NDST3: variants seen among roughly 807,000 people sequenced by gnomAD.
NDST3 encodes the protein N-deacetylase and N-sulfotransferase 3.
A neutral mutation model predicts 96.1 loss-of-function variants in NDST3; 58 were observed. The observed-to-expected ratio is 0.60, with a 90% CI of 0.49 to 0.75. The LOEUF (loss-of-function observed/expected upper bound fraction) is 0.75, where lower values mean the gene tolerates loss of function less well. NDST3 is among the 30% of genes least tolerant of loss of function. The pLI is 0.00. For missense variants in NDST3, 788 were observed against 1,034.2 expected, an observed-to-expected ratio of 0.76 and a Z score of 3.27; for synonymous variants, 333 against 359.7, an observed-to-expected ratio of 0.93 and a Z score of 0.84.
Position 118,054,841 on chromosome 4 carries a change from G to A in NDST3, c.931G>A (p.Asp311Asn). ...LDRYILVDID[D>N]IFVGKEGTRM... Reference sequence around the variant, plus strand: ...CAGGTACATTCTTGTGGATATTGATGATATATTTGTGGGAAAAGAGGGAAC... The same window carrying A: ...CAGGTACATTCTTGTGGATATTGATAATATATTTGTGGGAAAAGAGGGAAC... The change falls in exon 2 of 14, where the codon GAT (aspartate) becomes AAT (asparagine). Residue 311 changes from aspartate to asparagine, a missense_variant. This residue lies in a region of NDST3 where 490 missense variants were observed against 708.8 expected (regional missense o/e 0.69). Transcript: ENST00000296499. 6.2e-7 allele frequency: 1 copy of A among 1,612,702 alleles called. No individual in the cohort carries two copies. Among genetic ancestry groups the A allele is most frequent in the African/African-American group, 1.3e-5 (1 of 74,966 alleles).
rs1205902806 is a variant in NDST3, at chr4:118,054,111, A to G, written c.201A>G (p.Ala67=). 2 of 1,612,900 alleles carry G rather than the reference A, an allele frequency of 1.2e-6. No homozygotes were observed. Among genetic ancestry groups the G allele is most frequent in the Non-Finnish European group, 1.7e-6 (2 of 1,179,330 alleles). The part of the protein sequence containing the change: ...HLPYQLMEVK[A]MKLFDASRTD... ...CATATCAACTAATGGAAGTGAAAGC[A>G]ATGAAGCTTTTTGATGCCTCAAGGA... The change falls in exon 2 of 14, where the codon GCA becomes GCG. Residue 67 remains alanine, a synonymous_variant. Coordinates refer to ENST00000296499, the MANE Select transcript of NDST3 (RefSeq NM_004784.3).
chr4:118,058,234 G>C (rs1185107323), intron 2 of NDST3, among the ~76,000 whole-genome samples: 1 of 151,836 alleles, frequency 6.6e-6, no homozygotes, highest in Non-Finnish European at 1.5e-5. Context: ...ACTAATCACT[G>C]CATGGATGTT....
At chr4:118,055,903 T>C (rs984456534) in intron 2 of NDST3, among the ~76,000 whole-genome samples, 9 of 151,894 alleles carry the variant, frequency 5.9e-5, no homozygotes, top group Admixed American at 2.0e-4. Context: ...GGGCTAAGAA[T>C]ACCAGAAGGA....
chr4:118,139,704 C>G (rs1419383122), intron 5 of NDST3, among the ~76,000 whole-genome samples: 2 of 152,150 alleles, frequency 1.3e-5, no homozygotes, highest in Non-Finnish European at 2.9e-5. Flanking sequence ...GTCTCATTAT[C>G]TTCCCTTCGA....
chr4:118,165,416 CA>C (rs147640943), intron 6 of NDST3, among the ~76,000 whole-genome samples: 5,388 of 151,994 alleles, frequency 0.035, 141 homozygotes, highest in African/African-American at 0.072. Flanking sequence ...TCAAAGCACC[CA>C]AATATGTGTA....
At chr4:118,093,470 A>G (rs549786684) in intron 2 of NDST3, among the ~76,000 whole-genome samples, 2 of 152,020 alleles carry the variant, frequency 1.3e-5, no homozygotes, top group African/African-American at 4.8e-5. Flanking sequence ...ATTATTGAAC[A>G]TCAGTGATGG....
At chr4:118,153,602 C>T (rs1734543011) in intron 6 of NDST3, among the ~76,000 whole-genome samples, 1 of 152,080 alleles carries the variant, frequency 6.6e-6, no homozygotes, top group African/African-American at 2.4e-5. Context: ...GCGGGTGGAT[C>T]ACCTGAGTTC....
chr4:118,039,571 A>T (rs1250581370), intron 1 of NDST3, among the ~76,000 whole-genome samples: 5 of 152,240 alleles, frequency 3.3e-5, no homozygotes, highest in South Asian at 2.1e-4. Flanking sequence ...ATAACTAATT[A>T]TAACTTTGGA....
chr4:118,239,203 A>G (rs911891793), intron 10 of NDST3, among the ~76,000 whole-genome samples: 5 of 152,224 alleles, frequency 3.3e-5, no homozygotes, highest in Non-Finnish European at 2.9e-5. Context: ...CTTGACAATC[A>G]TAATATTAGA....
At chr4:118,163,091 T>C (rs1735291033) in intron 6 of NDST3, among the ~76,000 whole-genome samples, 1 of 152,126 alleles carries the variant, frequency 6.6e-6, no homozygotes, top group South Asian at 2.1e-4. Flanking sequence ...CATTCAAAAG[T>C]CAGGAAACAA....
intron 6 of NDST3, among the ~76,000 whole-genome samples, chr4:118,156,450 T>C (rs1306948876): frequency 6.6e-6 from 1 of 152,238 alleles, no homozygotes; most frequent in Non-Finnish European, 1.5e-5. Context: ...CATCATGCCT[T>C]ATTCTATTTT....
chr4:118,172,568 A>C (rs569771763), intron 6 of NDST3, among the ~76,000 whole-genome samples: 1 of 152,302 alleles, frequency 6.6e-6, no homozygotes, highest in South Asian at 2.1e-4. Context: ...CAAAGTTTTA[A>C]AACAAAATGT....
Position 118,054,053 on chromosome 4 carries a change from C to T in NDST3, c.143C>T (p.Ser48Leu). The change falls in exon 2 of 14, where the codon TCA becomes TTA. Residue 48 changes from serine (S) to leucine (L), a missense_variant. Coordinates refer to ENST00000296499, the MANE Select transcript of NDST3 (RefSeq NM_004784.3). ...GAAAATGAACTCTCTGAGACGGCTT[C>T]AGAAGTTGACTGTGGCGACCTCCAA... is the stretch of plus-strand genomic sequence containing the variant. ...KQENELSETA[S>L]EVDCGDLQHL... 6.2e-7 allele frequency: 1 copy of T among 1,612,968 alleles called. No individual in the cohort carries two copies. Among genetic ancestry groups the T allele is most frequent in the Admixed American group, 1.7e-5 (1 of 59,904 alleles).
chr4:118,207,807 T>G (rs1738527293), intron 6 of NDST3, among the ~76,000 whole-genome samples: 1 of 144,690 alleles, frequency 6.9e-6, no homozygotes, highest in Non-Finnish European at 1.5e-5. Context: ...TGCCTGATTC[T>G]GATAATAATA....
chr4:118,141,490 A>G (rs1733568757), intron 5 of NDST3, among the ~76,000 whole-genome samples: 1 of 152,182 alleles, frequency 6.6e-6, no homozygotes, highest in African/African-American at 2.4e-5. Context: ...CTGCAGTTGC[A>G]GGGTAAAGCC....
chr4:118,119,423 A>G (rs192928669), intron 4 of NDST3, among the ~76,000 whole-genome samples: 1 of 152,348 alleles, frequency 6.6e-6, no homozygotes, highest in East Asian at 1.9e-4. Context: ...ATAAAAAGGC[A>G]TATGAGATTT....
At chr4:118,200,089 C>T (rs939715677) in intron 6 of NDST3, among the ~76,000 whole-genome samples, 2 of 152,212 alleles carry the variant, frequency 1.3e-5, no homozygotes, top group African/African-American at 4.8e-5. Flanking sequence ...CTGCAATTAG[C>T]TGGTGACAGA....
chr4:118,224,873 T>C (rs1021399878), intron 7 of NDST3, among the ~76,000 whole-genome samples, 200 bp downstream of exon 7: 15 of 152,260 alleles, frequency 9.9e-5, no homozygotes, highest in African/African-American at 2.9e-4. Flanking sequence ...CCCTTGCACA[T>C]TGGAAATTAT....
chr4:118,216,287 A>C (rs1739189597), intron 6 of NDST3, among the ~76,000 whole-genome samples: 1 of 152,084 alleles, frequency 6.6e-6, no homozygotes, highest in Non-Finnish European at 1.5e-5. Context: ...GAGGGTTAAG[A>C]GGTTGGAAGG....
Sources: allele counts gnomAD v4.1 joint callset (sites outside exome capture counted in the v4.1 genomes callset), GRCh38; gene constraint gnomAD v4.1.1; regional missense constraint gnomAD v4.1.1; transcripts MANE v1.5; gene names NCBI Gene and HGNC (gene_info 2026-07-23, HGNC 2026-07-21).